Variants in GNG7 observed in about 807,000 individuals in gnomAD.
GNG7 encodes guanine nucleotide-binding protein G(I)/G(S)/G(O) subunit gamma-7.
Under a neutral mutation model 4.0 loss-of-function variants are expected in GNG7, and 1 was observed. The ratio of observed to expected loss-of-function variants is 0.25; its 90% confidence interval spans 0.09 to 1.18. GNG7 has a LOEUF of 1.18. GNG7 is among the 50% of genes most tolerant of loss of function. The pLI is 0.50. For synonymous variants in GNG7, 34 were observed against 36.9 expected, an observed-to-expected ratio of 0.92 and a Z score of 0.29; for missense variants, 86 against 91.9, an observed-to-expected ratio of 0.94 and a Z score of 0.26.
intron 2 of GNG7, among the ~76,000 whole-genome samples, chr19:2,603,355 G>A (rs183234659): frequency 1.3e-5 from 2 of 152,216 alleles, no homozygotes; most frequent in Non-Finnish European, 2.9e-5. Context: ...GTGAGCCGCC[G>A]TGCCCGGCCT....
chr19:2,593,243 C>T (rs1048675948), intron 2 of GNG7, among the ~76,000 whole-genome samples: 1 of 151,996 alleles, frequency 6.6e-6, no homozygotes, highest in Non-Finnish European at 1.5e-5. Context: ...TGGTCACCAA[C>T]GGCCTGATGT....
intron 3 of GNG7, among the ~76,000 whole-genome samples, chr19:2,548,600 C>G (rs111315861): frequency 1.4e-4 from 17 of 122,550 alleles, no homozygotes; most frequent in South Asian, 5.4e-4. Context: ...ACCAGCCTGG[C>G]CAACGTGGTG....
At chr19:2,685,992 C>T (rs1382785342) in intron 1 of GNG7, among the ~76,000 whole-genome samples, 1 of 152,108 alleles carries the variant, frequency 6.6e-6, no homozygotes, top group African/African-American at 2.4e-5. Flanking sequence ...TCCAACCCCA[C>T]CTCAGCCCCC....
chr19:2,621,282 G>A (rs891261741), intron 2 of GNG7, among the ~76,000 whole-genome samples: 9 of 152,160 alleles, frequency 5.9e-5, no homozygotes, highest in Non-Finnish European at 1.2e-4. Flanking sequence ...CCAGCTACTC[G>A]GGAAGCTGAG....
Position 2,546,639 on chromosome 19 carries a change from G to A in GNG7, c.-38+8510C>T, listed in dbSNP as rs1029765424. ...ATAGACCAGCGGGGCAGGTCCCGCCGCTGCCTTCAGCCGGAGCTTGGAGCC... is the reference window on the plus strand; with the variant it reads ...ATAGACCAGCGGGGCAGGTCCCGCCACTGCCTTCAGCCGGAGCTTGGAGCC... On this transcript the variant is annotated intron_variant, in intron 3 of 4. Coordinates refer to ENST00000382159, the MANE Select transcript of GNG7 (RefSeq NM_052847.3). The surrounding 1 kb of genome is among the most constrained non-coding windows in gnomAD (Gnocchi z 6.3). Among the ~76,000 whole-genome samples, 18 of 152,306 alleles carry A rather than the reference G, an allele frequency of 1.2e-4. No homozygotes were observed. Among genetic ancestry groups the A allele is most frequent in the African/African-American group, 2.9e-4 (12 of 41,568 alleles).
Position 2,614,763 on chromosome 19 carries a change from A to G in GNG7, c.-78+31461T>C, listed in dbSNP as rs1981673252. The stretch of plus-strand genomic sequence containing the variant: ...GTATGAACATTTGTGGCAAGGTTCT[A>G]TTTGAACACCTGCTTCCAATTCCTC... On this transcript the variant is annotated intron_variant, in intron 2 of 4. Coordinates refer to ENST00000382159, the MANE Select transcript of GNG7 (RefSeq NM_052847.3). This position sits in a 1 kb window ranked among gnomAD's most constrained non-coding sequence, Gnocchi z 6.0. 1.3e-5 allele frequency among the ~76,000 whole-genome samples: 2 copies of G among 152,158 alleles called. No individual in the cohort carries two copies. Among genetic ancestry groups the G allele is most frequent in the African/African-American group, 4.8e-5 (2 of 41,422 alleles).
At chr19:2,660,342 C>T (rs952649911) in intron 1 of GNG7, among the ~76,000 whole-genome samples, 1 of 152,222 alleles carries the variant, frequency 6.6e-6, no homozygotes, top group Admixed American at 6.5e-5. Flanking sequence ...ACAATTCCTT[C>T]CATTGAAGGG....
intron 3 of GNG7, among the ~76,000 whole-genome samples, chr19:2,532,022 G>T (rs544526635): frequency 2.0e-5 from 3 of 151,754 alleles, no homozygotes; most frequent in East Asian, 3.9e-4. Flanking sequence ...GCCATGGCAG[G>T]CGCCTCTAGT....
chr19:2,531,302 TCAAAAAA>T (rs1267774572), intron 3 of GNG7, among the ~76,000 whole-genome samples: 1 of 16,750 alleles, frequency 6.0e-5, no homozygotes. Context: ...AGATTCCGTC[TCAAAAAA>T]AAAAAAAAAA....
intron 1 of GNG7, among the ~76,000 whole-genome samples, chr19:2,694,205 A>AT (rs1459217482): frequency 6.7e-6 from 1 of 149,888 alleles, no homozygotes; most frequent in Non-Finnish European, 1.5e-5. Context: ...AGGAATCTAC[A>AT]TTTTGGGGAG....
intron 2 of GNG7, among the ~76,000 whole-genome samples, chr19:2,589,741 G>A (rs1055301768): frequency 6.6e-6 from 1 of 152,152 alleles, no homozygotes; most frequent in Non-Finnish European, 1.5e-5. Flanking sequence ...GCACTACAAC[G>A]TGGATGAACT....
chr19:2,560,533 A>G (rs1016507086), intron 2 of GNG7, among the ~76,000 whole-genome samples: 1 of 151,938 alleles, frequency 6.6e-6, no homozygotes, highest in African/African-American at 2.4e-5. Context: ...GGCTGGGGAC[A>G]TTGTGGTTAT....
intron 3 of GNG7, chr19:2,538,183 A>G: frequency 4.4e-6 from 2 of 456,724 alleles, no homozygotes. Flanking sequence ...GTATCTTCTG[A>G]CGATGATGAC....
chr19:2,637,812 T>A (rs1029441978), intron 2 of GNG7, among the ~76,000 whole-genome samples: 1 of 152,162 alleles, frequency 6.6e-6, no homozygotes, highest in African/African-American at 2.4e-5. Flanking sequence ...CAATTACAGA[T>A]GTCCCCTGGA....
At position 2,513,375 on chromosome 19, in the gene GNG7, C is replaced by T. The variant is rs115984957; in HGVS notation, c.*1647G>A. On this transcript the variant is annotated 3_prime_UTR_variant, in exon 5 of 5. Transcript: ENST00000382159. ...GCCAGCCCCGTGGAGGGGGTCGGGG[C>T]GGCCAGGCCTCCTGCGATCAGGGCT... The T allele has an allele frequency of 6.0e-3, 2,972 of 494,494 alleles. 89 individuals are homozygous for T. Among genetic ancestry groups the T allele is most frequent in the African/African-American group, 0.059 (2,793 of 47,692 alleles). The allele number at this position is 494,494 out of a possible 1,614,324, so 30.6% of individuals were successfully genotyped here.
intron 2 of GNG7, among the ~76,000 whole-genome samples, chr19:2,599,741 A>G (rs1210825154): frequency 1.3e-5 from 2 of 152,156 alleles, no homozygotes; most frequent in African/African-American, 4.8e-5. Context: ...GTTCGAGACC[A>G]GCCTGGGCAA....
chr19:2,556,591 C>A (rs975103188), intron 2 of GNG7, among the ~76,000 whole-genome samples: 1 of 152,166 alleles, frequency 6.6e-6, no homozygotes, highest in Non-Finnish European at 1.5e-5. Context: ...TTCTCAGCAG[C>A]CCTGCGCCCC....
At chr19:2,628,204 C>T (rs942032264) in intron 2 of GNG7, among the ~76,000 whole-genome samples, 1 of 152,360 alleles carries the variant, frequency 6.6e-6, no homozygotes, top group South Asian at 2.1e-4. Flanking sequence ...AAGAGTCTGG[C>T]TTAACTGGGT....
At chr19:2,529,437 C>T (rs1338633625) in intron 3 of GNG7, among the ~76,000 whole-genome samples, 5 of 152,074 alleles carry the variant, frequency 3.3e-5, no homozygotes, top group Admixed American at 1.3e-4. Flanking sequence ...AGGCTGGTCT[C>T]GAACTCCTGA....
Sources: allele counts gnomAD v4.1 joint callset (sites outside exome capture counted in the v4.1 genomes callset), GRCh38; gene constraint gnomAD v4.1.1; non-coding constraint Gnocchi (gnomAD v3.1); transcripts MANE v1.5; gene names NCBI Gene and HGNC (gene_info 2026-07-23, HGNC 2026-07-21).